The following DCTN4 variants were observed in gnomAD, a reference collection of about 807,000 sequenced individuals.
DCTN4 encodes dynactin subunit 4.
Under a neutral mutation model 62.7 loss-of-function variants are expected in DCTN4, and 23 were observed. The ratio of observed to expected loss-of-function variants is 0.37; its 90% confidence interval spans 0.26 to 0.52. The LOEUF is 0.52. Ranked by LOEUF, DCTN4 falls within the 20% of genes least tolerant of loss-of-function variation. The pLI, the probability that DCTN4 is intolerant of heterozygous loss-of-function variation, is 0.92. For missense variants in DCTN4, 514 were observed against 580.4 expected (o/e 0.89, Z 1.18); for synonymous variants, 199 against 202.1 (o/e 0.98, Z 0.13).
intron 10 of DCTN4, 148 bp from the exon 11 acceptor site, chr5:150,718,531 C>T: frequency 1.6e-6 from 1 of 607,744 alleles, no homozygotes; most frequent in South Asian, 2.0e-5. Flanking sequence ...TATGTGCTTA[C>T]TGATCCCTGT....
intron 8 of DCTN4, among the ~76,000 whole-genome samples, chr5:150,728,558 A>G (rs1021840821): frequency 3.3e-5 from 5 of 152,186 alleles, no homozygotes; most frequent in Non-Finnish European, 7.4e-5. Context: ...GTCGCTTTAT[A>G]TATTTTGAGT....
At chr5:150,741,164 CAAAAAAAAAA>C (rs754641920) in intron 4 of DCTN4, among the ~76,000 whole-genome samples, 1 of 58,346 alleles carries the variant, frequency 1.7e-5, no homozygotes, top group South Asian at 6.1e-4. Flanking sequence ...GATCCTGTCT[CAAAAAAAAAA>C]AAAAAAAAAA....
chr5:150,754,899 G>C (rs1752799267), intron 2 of DCTN4, among the ~76,000 whole-genome samples: 1 of 151,924 alleles, frequency 6.6e-6, no homozygotes, highest in Non-Finnish European at 1.5e-5. Context: ...GGAGGTTGAG[G>C]TTGCAGTGAG....
chr5:150,745,168 C>A (rs1395123794), intron 3 of DCTN4, among the ~76,000 whole-genome samples: 1 of 150,446 alleles, frequency 6.6e-6, no homozygotes, highest in African/African-American at 2.5e-5. Flanking sequence ...AGACTTTAAA[C>A]CAACAAGGAT....
intron 1 of DCTN4, chr5:150,758,462 CTA>C: frequency 3.0e-6 from 3 of 993,618 alleles, no homozygotes; most frequent in Non-Finnish European, 3.6e-6. Flanking sequence ...GATGGGAGAA[CTA>C]TGAATGAGAA....
chr5:150,732,932 A>C (rs1760439028), intron 5 of DCTN4, among the ~76,000 whole-genome samples: 1 of 151,160 alleles, frequency 6.6e-6, no homozygotes, highest in African/African-American at 2.4e-5. Context: ...TTGGAGAAAC[A>C]GGGGAGGATG....
At chr5:150,720,120 A>G (rs766190007) in intron 9 of DCTN4, among the ~76,000 whole-genome samples, 1 of 152,250 alleles carries the variant, frequency 6.6e-6, no homozygotes, top group Non-Finnish European at 1.5e-5. Flanking sequence ...GGTATCTTTC[A>G]CTTGAGGTTA....
intron 8 of DCTN4, among the ~76,000 whole-genome samples, chr5:150,726,995 T>C (rs960424157): frequency 6.6e-6 from 1 of 152,194 alleles, no homozygotes; most frequent in Non-Finnish European, 1.5e-5. Flanking sequence ...TGTCTTGACC[T>C]GAAGCACAAA....
At chr5:150,711,580 A>G (rs1031674835) in intron 12 of DCTN4, among the ~76,000 whole-genome samples, 37 of 152,248 alleles carry the variant, frequency 2.4e-4, no homozygotes, top group African/African-American at 8.2e-4. Flanking sequence ...ACCTTGGGTC[A>G]CTGCAACCTC....
intron 12 of DCTN4, among the ~76,000 whole-genome samples, chr5:150,714,536 C>G (rs1440014332): frequency 1.3e-5 from 2 of 151,058 alleles, no homozygotes; most frequent in East Asian, 3.9e-4. Context: ...GCTGCTACAC[C>G]TGGCTATTTT....
chr5:150,735,136 C>T (rs1760528295), intron 4 of DCTN4, among the ~76,000 whole-genome samples: 2 of 152,198 alleles, frequency 1.3e-5, no homozygotes. Context: ...TCCAGGCAAC[C>T]TTAGGGCAAG....
chr5:150,729,042 C>CTTTTTTTTTTTTTTTTTTTTTTTTTTTT lies in DCTN4; in HGVS notation c.834+1561_834+1588dup, dbSNP rs61106544. On this transcript the variant is annotated intron_variant, in intron 8 of 12. Coordinates refer to ENST00000447998, the MANE Select transcript of DCTN4 (RefSeq NM_016221.4). ...ACAAGTGTGTGAACCACCACACTGG[C>CTTTTTTTTTTTTTTTTTTTTTTTTTTTT]TTTTTTTTTTTTTTTTTTTTTTTTT... is the stretch of plus-strand genomic sequence containing the variant. Among the ~76,000 whole-genome samples, 3 of 52,148 alleles carry CTTTTTTTTTTTTTTTTTTTTTTTTTTTT rather than the reference C, an allele frequency of 5.8e-5. 1 individual carries two copies. Among genetic ancestry groups the CTTTTTTTTTTTTTTTTTTTTTTTTTTTT allele is most frequent in the African/African-American group, 1.5e-4 (2 of 13,134 alleles). The allele number at this position is 52,148 out of a possible 152,430, so 34.2% of individuals were successfully genotyped here.
intron 11 of DCTN4, among the ~76,000 whole-genome samples, chr5:150,716,542 G>A (rs1180408844): frequency 6.6e-6 from 1 of 152,176 alleles, no homozygotes; most frequent in Non-Finnish European, 1.5e-5. Context: ...GAGGTATAAA[G>A]AGAGCTTTAT....
intron 12 of DCTN4, among the ~76,000 whole-genome samples, chr5:150,713,095 T>C (rs1433269000): frequency 4.6e-5 from 7 of 152,246 alleles, no homozygotes; most frequent in Admixed American, 4.6e-4. Context: ...TTTTGTACTG[T>C]ACAACTCAGC....
chr5:150,731,913 A>G (rs1440386419), intron 5 of DCTN4: 1 of 1,551,748 alleles, frequency 6.4e-7, no homozygotes, highest in Admixed American at 2.0e-5. Flanking sequence ...GTTGCTGTAG[A>G]GCCCCAAAAT....
In DCTN4 at chr5:150,725,518, G is replaced by A. The variant is rs566529446; in HGVS notation, c.835-2538C>T. ...TATTAATTTATTGTATTTTATTTTG[G>A]TTTCTTAATTTATTAACACCTGTTC... On this transcript the variant is annotated intron_variant, in intron 8 of 12. Transcript: ENST00000447998. Among the ~76,000 whole-genome samples, 10 of 151,040 alleles carry A rather than the reference G, an allele frequency of 6.6e-5. No homozygotes were observed. The South Asian group carries it at 2.1e-3, about 32-fold the overall frequency.
rs147405880 is a variant in DCTN4 at position 150,758,977 on chromosome 5, T to A, written c.17A>T (p.Gln6Leu). Residue 6 changes from glutamine (Q) to leucine (L), a missense_variant, in exon 1 of 13, where the codon CAG (glutamine) becomes CTG (leucine). Transcript: ENST00000447998. MASLL[Q>L]SDRVLYLVQG... Reference sequence around the variant, plus strand: ...GACTAGATAGAGAACCCGGTCCGACTGCAGCAAGGACGCCATCTTGGGGAG... The same window carrying A: ...GACTAGATAGAGAACCCGGTCCGACAGCAGCAAGGACGCCATCTTGGGGAG... 194 of 1,614,094 alleles carry A rather than the reference T, an allele frequency of 1.2e-4. No individual in the cohort carries two copies. The highest frequency in any genetic ancestry group is 1.6e-4 in the Non-Finnish European group (183 of 1,179,940).
At chr5:150,758,805 A>C (rs1752955331) in intron 1 of DCTN4, 54 bp downstream of exon 1, 8 of 1,601,754 alleles carry the variant, frequency 5.0e-6, no homozygotes, top group Non-Finnish European at 6.8e-6. Flanking sequence ...AGTGACTAGC[A>C]TGAACGCCGC....
Position 150,758,994 on chromosome 5 carries a change from C to G in DCTN4, c.-1G>C. The stretch of plus-strand genomic sequence containing the variant: ...GGTCCGACTGCAGCAAGGACGCCAT[C>G]TTGGGGAGGGAGGAGGCGATGACGC... On this transcript the variant is annotated 5_prime_UTR_variant, in exon 1 of 13. Transcript: ENST00000447998. The G allele has an allele frequency of 6.2e-7, 1 of 1,613,744 alleles. No homozygotes were observed. Among genetic ancestry groups the G allele is most frequent in the Non-Finnish European group, 8.5e-7 (1 of 1,179,706 alleles).
Sources: gnomAD v4.1 joint callset for allele counts (sites outside exome capture counted in the v4.1 genomes callset) on GRCh38, gnomAD v4.1.1 for gene constraint, MANE v1.5 for transcripts, NCBI Gene and HGNC (gene_info 2026-07-23, HGNC 2026-07-21) for gene names.